MSRA: variants seen among roughly 807,000 people sequenced by gnomAD.
MSRA encodes the protein methionine sulfoxide reductase A.
A neutral mutation model predicts 31.3 loss-of-function variants in MSRA; 54 were observed. The ratio of observed to expected loss-of-function variants is 1.73; its 90% CI spans 1.39 to 2.17. The LOEUF is 2.17. MSRA is among the 30% of genes most tolerant of loss of function. The pLI is 0.00. For missense variants in MSRA, 507 were observed against 300.9 expected (o/e 1.69, Z -5.07); for synonymous variants, 169 against 116.5 (o/e 1.45, Z -2.90).
intron 1 of MSRA, among the ~76,000 whole-genome samples, chr8:10,127,510 G>A (rs1341209479): frequency 6.6e-6 from 1 of 152,262 alleles, no homozygotes; most frequent in East Asian, 1.9e-4. Flanking sequence ...CAGAGATCAT[G>A]CTGGTGGTCA....
chr8:10,251,865 G>T (rs529839685), intron 3 of MSRA, among the ~76,000 whole-genome samples: 11 of 151,852 alleles, frequency 7.2e-5, no homozygotes, highest in South Asian at 2.1e-4. Context: ...ACATGGTGGG[G>T]GGGGGGGGAC....
chr8:10,064,999 A>G (rs933201211), intron 1 of MSRA, among the ~76,000 whole-genome samples: 1 of 152,104 alleles, frequency 6.6e-6, no homozygotes, highest in Non-Finnish European at 1.5e-5. Flanking sequence ...ATGGAATGGT[A>G]GGCTGTCACA....
chr8:10,208,860 A>C (rs1809241783), intron 2 of MSRA, among the ~76,000 whole-genome samples: 1 of 152,250 alleles, frequency 6.6e-6, no homozygotes, highest in Non-Finnish European at 1.5e-5. Context: ...TTGAGGGTAC[A>C]AAACTGCTTT....
At chr8:10,071,960 C>G (rs559900677) in intron 1 of MSRA, among the ~76,000 whole-genome samples, 6 of 152,228 alleles carry the variant, frequency 3.9e-5, no homozygotes, top group African/African-American at 1.4e-4. Flanking sequence ...GCGTATGGGT[C>G]CCCTGTGTCC....
intron 5 of MSRA, among the ~76,000 whole-genome samples, chr8:10,407,624 G>T (rs549362466): frequency 1.3e-5 from 2 of 152,280 alleles, no homozygotes; most frequent in African/African-American, 2.4e-5. Flanking sequence ...ATGTCTCCGG[G>T]TTTGCACGGG....
chr8:10,092,233 G>T (rs1018742734), intron 1 of MSRA, among the ~76,000 whole-genome samples: 40 of 150,954 alleles, frequency 2.6e-4, no homozygotes, highest in African/African-American at 9.5e-4. Context: ...TCTTTTTTTG[G>T]TCTGTATTGA....
At chr8:10,315,107 C>G (rs1297372854) in intron 4 of MSRA, among the ~76,000 whole-genome samples, 2 of 152,134 alleles carry the variant, frequency 1.3e-5, no homozygotes, top group Non-Finnish European at 2.9e-5. Flanking sequence ...ACCATCAGAT[C>G]TCATGAGACT....
At chr8:10,207,933 T>C in intron 2 of MSRA, 32 bp downstream of exon 2, 1 of 1,583,022 alleles carries the variant, frequency 6.3e-7, no homozygotes, top group Non-Finnish European at 8.6e-7. Flanking sequence ...AAAACCCAAA[T>C]TGTGTGCAAA....
chr8:10,211,455 T>G (rs4841291), intron 2 of MSRA, among the ~76,000 whole-genome samples: 140,457 of 152,152 alleles, frequency 0.92, 64,902 homozygotes, highest in Non-Finnish European at 0.94. Flanking sequence ...TGGTCCTCCT[T>G]GGGGGCTTCT....
intron 5 of MSRA, among the ~76,000 whole-genome samples, chr8:10,390,742 T>C (rs1259566410): frequency 6.6e-6 from 1 of 151,998 alleles, no homozygotes; most frequent in Non-Finnish European, 1.5e-5. Flanking sequence ...ACTGACTCCA[T>C]TCCAAAGGCG....
intron 1 of MSRA, among the ~76,000 whole-genome samples, chr8:10,182,705 G>T (rs1031432644): frequency 1.3e-5 from 2 of 152,164 alleles, no homozygotes; most frequent in African/African-American, 4.8e-5. Context: ...TTGGGCTCAG[G>T]GCCTCATTTC....
chr8:10,298,602 G>A (rs1800670467), intron 3 of MSRA, among the ~76,000 whole-genome samples: 1 of 147,428 alleles, frequency 6.8e-6, no homozygotes, highest in Non-Finnish European at 1.5e-5. Context: ...TAAATTTTAT[G>A]TTATGTTCAT....
chr8:10,346,309 G>A (rs543355083), intron 5 of MSRA, among the ~76,000 whole-genome samples: 24 of 152,226 alleles, frequency 1.6e-4, no homozygotes, highest in African/African-American at 4.6e-4. Flanking sequence ...ATGACTTTGC[G>A]CTCAGCATGC....
intron 5 of MSRA, among the ~76,000 whole-genome samples, chr8:10,352,310 G>C (rs1490146090): frequency 1.5e-4 from 23 of 152,200 alleles, no homozygotes; most frequent in Admixed American, 1.4e-3. Flanking sequence ...GACTGTGTAT[G>C]TATGTGTGTA....
chr8:10,093,628 A>T (rs1000802049), intron 1 of MSRA, among the ~76,000 whole-genome samples: 2 of 152,206 alleles, frequency 1.3e-5, no homozygotes, highest in African/African-American at 2.4e-5. Context: ...AAGGATATTT[A>T]AAAAATTAAA....
chr8:10,339,878 G>A (rs764556519), intron 5 of MSRA, among the ~76,000 whole-genome samples: 3 of 152,024 alleles, frequency 2.0e-5, no homozygotes, highest in Admixed American at 6.5e-5. Context: ...GATGACTAAC[G>A]AGAGGGAACA....
At chr8:10,338,809 C>G (rs1192936311) in intron 5 of MSRA, among the ~76,000 whole-genome samples, 1 of 152,132 alleles carries the variant, frequency 6.6e-6, no homozygotes, top group Non-Finnish European at 1.5e-5. Context: ...AAATAATTTC[C>G]TAACCTGCAA....
chr8:10,313,817 A>C (rs2129133686), intron 4 of MSRA, among the ~76,000 whole-genome samples: 1 of 152,384 alleles, frequency 6.6e-6, no homozygotes, highest in African/African-American at 2.4e-5. Flanking sequence ...GACATTGTGT[A>C]TCTGATGTAG....
At chr8:10,251,437 TA>T (rs1403379962) in intron 3 of MSRA, among the ~76,000 whole-genome samples, 1 of 152,218 alleles carries the variant, frequency 6.6e-6, no homozygotes, top group African/African-American at 2.4e-5. Context: ...TCAGTCAAGG[TA>T]AATTACTAAG....
Sources: gnomAD v4.1 joint callset for allele counts (sites outside exome capture counted in the v4.1 genomes callset) on GRCh38, gnomAD v4.1.1 for gene constraint, MANE v1.5 for transcripts, NCBI Gene and HGNC (gene_info 2026-07-23, HGNC 2026-07-21) for gene names.